Variants in HPSE2 observed in about 807,000 individuals in gnomAD.
HPSE2 encodes the protein inactive heparanase-2.
HPSE2 carries 38 observed loss-of-function variants against 60.5 expected under a neutral mutation model. The ratio of observed to expected loss-of-function variants is 0.63; its 90% confidence interval spans 0.48 to 0.82. The LOEUF is 0.82. HPSE2 is among the 40% of genes least tolerant of loss of function. The pLI is 0.00. For synonymous variants in HPSE2, 295 were observed against 293.2 expected (o/e 1.01, Z -0.06); for missense variants, 713 against 740.4 (o/e 0.96, Z 0.43).
chr10:98,802,953 C>A (rs1589851064), intron 3 of HPSE2, among the ~76,000 whole-genome samples: 2 of 145,704 alleles, frequency 1.4e-5, no homozygotes, highest in African/African-American at 2.6e-5. Context: ...TAAAAGTGTT[C>A]CTATTTCTCC....
the HPSE2 span, among the ~76,000 whole-genome samples, chr10:99,292,657 T>A: frequency 1.3e-5 from 2 of 152,212 alleles, no homozygotes; most frequent in African/African-American, 4.8e-5. Flanking sequence ...ATATGTTAAT[T>A]TTAATAATAT....
intron 9 of HPSE2, among the ~76,000 whole-genome samples, chr10:98,538,641 C>T (rs1388696456): frequency 6.6e-6 from 1 of 152,020 alleles, no homozygotes; most frequent in South Asian, 2.1e-4. Flanking sequence ...GCCAACTCTG[C>T]TTTTGCTGCC....
intron 9 of HPSE2, among the ~76,000 whole-genome samples, chr10:98,563,451 G>A (rs1169547419): frequency 6.6e-6 from 1 of 152,128 alleles, no homozygotes; most frequent in Non-Finnish European, 1.5e-5. Context: ...ATAATTATGA[G>A]GTTTCTTCTT....
At chr10:98,642,361 A>T (rs1185431163) in intron 6 of HPSE2, among the ~76,000 whole-genome samples, 1 of 152,166 alleles carries the variant, frequency 6.6e-6, no homozygotes, top group Admixed American at 6.5e-5. Flanking sequence ...ATTTTAATAA[A>T]TTTTTCCATA....
At chr10:99,064,906 T>C (rs1842566176) in intron 3 of HPSE2, among the ~76,000 whole-genome samples, 1 of 152,250 alleles carries the variant, frequency 6.6e-6, no homozygotes, top group East Asian at 1.9e-4. Flanking sequence ...TATAACACTG[T>C]TTAGAAACAA....
chr10:99,173,837 G>A (rs192580872), intron 2 of HPSE2, among the ~76,000 whole-genome samples: 15 of 151,704 alleles, frequency 9.9e-5, no homozygotes, highest in Admixed American at 9.9e-4. Flanking sequence ...CAGCTACTCA[G>A]GAGGCTGAGG....
rs568754854 is a variant in HPSE2 at position 99,096,071 on chromosome 10, A to C, written c.610+48167T>G. On this transcript the variant is annotated intron_variant, in intron 3 of 11. Transcript: ENST00000370552. ...TATACTCAGGTATAAACTGTCTTTG[A>C]TATATCTTCTTCAAATCTTCATAAA... is the stretch of plus-strand genomic sequence containing the variant. 2.0e-5 allele frequency among the ~76,000 whole-genome samples: 3 copies of C among 152,340 alleles called. No homozygotes were observed. The South Asian group carries it at 6.2e-4, about 32-fold the overall frequency.
At chr10:98,829,113 T>C (rs1162279607) in intron 3 of HPSE2, among the ~76,000 whole-genome samples, 1 of 152,160 alleles carries the variant, frequency 6.6e-6, no homozygotes, top group African/African-American at 2.4e-5. Flanking sequence ...ATGATTCCAT[T>C]CATATGAGGT....
chr10:99,178,242 A>G (rs1210860419), intron 2 of HPSE2, among the ~76,000 whole-genome samples: 1 of 151,580 alleles, frequency 6.6e-6, no homozygotes, highest in Non-Finnish European at 1.5e-5. Flanking sequence ...TTGAAAAGCA[A>G]GCAGAAGACA....
At chr10:98,648,054 A>G (rs1946820611) in intron 6 of HPSE2, among the ~76,000 whole-genome samples, 1 of 152,234 alleles carries the variant, frequency 6.6e-6, no homozygotes, top group Non-Finnish European at 1.5e-5. Flanking sequence ...CTTTAATGAA[A>G]GAATGAGTGC....
intron 3 of HPSE2, among the ~76,000 whole-genome samples, chr10:99,066,627 A>T (rs1347351270): frequency 6.6e-6 from 1 of 152,144 alleles, no homozygotes; most frequent in Non-Finnish European, 1.5e-5. Context: ...CGTCAGACTT[A>T]TTCACTACCA....
intron 6 of HPSE2, among the ~76,000 whole-genome samples, chr10:98,688,751 C>T (rs150081752): frequency 0.012 from 1,820 of 151,996 alleles, 51 homozygotes; most frequent in African/African-American, 0.042. Context: ...GTTGGGATTA[C>T]AGGCATGAGT....
Position 99,040,118 on chromosome 10 carries a change from C to A in HPSE2, c.610+104120G>T, listed in dbSNP as rs538681871. ...GGTACAGTTTTCTTTTTGTAGAGGT[C>A]GGGTAATGCTACACAGATAATTCTT... On this transcript the variant is annotated intron_variant, in intron 3 of 11. Coordinates refer to ENST00000370552, the MANE Select transcript of HPSE2 (RefSeq NM_021828.5). 3.3e-5 allele frequency among the ~76,000 whole-genome samples: 5 copies of A among 152,164 alleles called. No individual in the cohort carries two copies. In the East Asian group the frequency reaches 7.7e-4, roughly 23 times the overall value.
intron 8 of HPSE2, among the ~76,000 whole-genome samples, chr10:98,616,545 A>G (rs1945915130): frequency 6.6e-6 from 1 of 152,312 alleles, no homozygotes; most frequent in African/African-American, 2.4e-5. Context: ...AATAAAGAGC[A>G]CTGCTAATTT....
At chr10:98,531,890 T>G (rs1172058531) in intron 9 of HPSE2, among the ~76,000 whole-genome samples, 1 of 152,184 alleles carries the variant, frequency 6.6e-6, no homozygotes, top group African/African-American at 2.4e-5. Flanking sequence ...CAAATGGGGA[T>G]CATAATACCT....
At chr10:98,936,660 C>T (rs2135129364) in intron 3 of HPSE2, among the ~76,000 whole-genome samples, 1 of 143,130 alleles carries the variant, frequency 7.0e-6, no homozygotes, top group South Asian at 2.1e-4. Flanking sequence ...GATTATATGG[C>T]CCATAAAGCC....
intron 2 of HPSE2, among the ~76,000 whole-genome samples, chr10:99,221,914 G>A (rs1436052756): frequency 1.3e-5 from 2 of 152,134 alleles, no homozygotes; most frequent in Non-Finnish European, 2.9e-5. Context: ...GGCAGTGACA[G>A]GAGGAAAGTG....
intron 11 of HPSE2, among the ~76,000 whole-genome samples, chr10:98,477,404 G>A (rs1364288922): frequency 6.6e-6 from 1 of 152,148 alleles, no homozygotes; most frequent in Non-Finnish European, 1.5e-5. Flanking sequence ...CTGAAGGCTG[G>A]GGGAGAGAGC....
chr10:98,472,465 G>C (rs1286323944), intron 11 of HPSE2, among the ~76,000 whole-genome samples: 1 of 152,254 alleles, frequency 6.6e-6, no homozygotes, highest in East Asian at 1.9e-4. Flanking sequence ...CACCAGGGGG[G>C]CCTTTTGCTC....
Sources: gnomAD v4.1 joint callset for allele counts (sites outside exome capture counted in the v4.1 genomes callset) on GRCh38, gnomAD v4.1.1 for gene constraint, MANE v1.5 for transcripts, NCBI Gene and HGNC (gene_info 2026-07-23, HGNC 2026-07-21) for gene names.